The following CSMD1 variants were observed in gnomAD, a reference collection of about 807,000 sequenced individuals.
The protein encoded by CSMD1 is CUB and Sushi multiple domains 1.
CSMD1 carries 213 observed loss-of-function variants against 417.5 expected under a neutral mutation model. The observed-to-expected ratio is 0.51, with a 90% CI of 0.46 to 0.57. CSMD1 has a LOEUF of 0.57. Among genes scored for constraint, CSMD1 ranks in the 20% least tolerant of loss-of-function variants. The pLI, the probability that CSMD1 is intolerant of heterozygous loss-of-function variation, is 0.00. For synonymous variants in CSMD1, 2,862 were observed against 1,736.8 expected (o/e 1.65, Z -16.11); for missense variants, 6,923 against 4,529.7 (o/e 1.53, Z -15.17).
intron 33 of CSMD1, among the ~76,000 whole-genome samples, chr8:3,197,686 G>A (rs566775584): frequency 9.2e-5 from 14 of 151,998 alleles, no homozygotes; most frequent in Middle Eastern, 3.4e-3. Context: ...GGATGGTCTC[G>A]ATCTCCTGAC....
intron 1 of CSMD1, among the ~76,000 whole-genome samples, chr8:4,887,377 T>A (rs1175505834): frequency 6.6e-6 from 1 of 152,092 alleles, no homozygotes; most frequent in Non-Finnish European, 1.5e-5. Flanking sequence ...GCTTATTTTA[T>A]GACGTAAATA....
chr8:3,653,151 A>C (rs539701388), intron 7 of CSMD1, among the ~76,000 whole-genome samples: 18 of 151,890 alleles, frequency 1.2e-4, no homozygotes, highest in African/African-American at 4.3e-4. Flanking sequence ...AAATTTTTTC[A>C]AGTTGCATAT....
intron 1 of CSMD1, among the ~76,000 whole-genome samples, chr8:4,685,010 G>A (rs897926645): frequency 6.6e-6 from 1 of 152,076 alleles, no homozygotes; most frequent in South Asian, 2.1e-4. Flanking sequence ...ATAGAACAAC[G>A]GGACTCAGAA....
intron 3 of CSMD1, among the ~76,000 whole-genome samples, chr8:4,207,971 A>T (rs1360478600): frequency 6.6e-6 from 1 of 152,176 alleles, no homozygotes; most frequent in Admixed American, 6.5e-5. Context: ...AATATTCATT[A>T]TAGCATGAAA....
chr8:3,775,580 G>C (rs979310721), intron 5 of CSMD1, among the ~76,000 whole-genome samples: 1 of 152,136 alleles, frequency 6.6e-6, no homozygotes, highest in African/African-American at 2.4e-5. Flanking sequence ...CTCCAGTGTG[G>C]ACTCATGTGC....
intron 3 of CSMD1, among the ~76,000 whole-genome samples, chr8:4,276,720 T>A (rs2128856232): frequency 6.6e-6 from 1 of 152,302 alleles, no homozygotes; most frequent in African/African-American, 2.4e-5. Flanking sequence ...CCAATTTTAA[T>A]AAATAAAAGG....
chr8:4,534,236 G>A (rs562947354), intron 2 of CSMD1, among the ~76,000 whole-genome samples: 2 of 152,248 alleles, frequency 1.3e-5, no homozygotes, highest in African/African-American at 2.4e-5. Flanking sequence ...TACCTTCTGC[G>A]TGGGCCTGGC....
At chr8:4,314,524 T>A (rs1018616908) in intron 3 of CSMD1, among the ~76,000 whole-genome samples, 6 of 152,114 alleles carry the variant, frequency 3.9e-5, no homozygotes, top group African/African-American at 1.4e-4. Flanking sequence ...TGCCTTGGGA[T>A]TTCTCCCGAA....
intron 5 of CSMD1, among the ~76,000 whole-genome samples, chr8:3,835,720 CAAAA>C (rs34306675): frequency 6.9e-6 from 1 of 144,822 alleles, no homozygotes; most frequent in Admixed American, 7.0e-5. Context: ...ATAAAATTAA[CAAAA>C]AAAAAAAAAA....
chr8:3,456,038 C>T (rs540415859), intron 12 of CSMD1, among the ~76,000 whole-genome samples: 19 of 152,266 alleles, frequency 1.2e-4, no homozygotes, highest in Middle Eastern at 3.4e-3. Context: ...GCCTCGCCGC[C>T]GCCTTGCTAT....
At chr8:4,819,396 A>T (rs1383237045) in intron 1 of CSMD1, among the ~76,000 whole-genome samples, 1 of 152,132 alleles carries the variant, frequency 6.6e-6, no homozygotes, top group Admixed American at 6.5e-5. Context: ...GTTTCATTTT[A>T]TGTCATTCTG....
At chr8:2,946,430 A>G (rs572881440) in intron 68 of CSMD1, among the ~76,000 whole-genome samples, 24 of 152,272 alleles carry the variant, frequency 1.6e-4, no homozygotes, top group East Asian at 7.7e-4. Flanking sequence ...ACCACTAATC[A>G]GTGTCCCATC....
chr8:3,330,816 G>T (rs1806843967), intron 23 of CSMD1, among the ~76,000 whole-genome samples: 1 of 152,092 alleles, frequency 6.6e-6, no homozygotes, highest in Non-Finnish European at 1.5e-5. Context: ...CTCTCCCATG[G>T]ATATAGGAAT....
At chr8:4,351,292 G>T (rs757256347) in intron 3 of CSMD1, among the ~76,000 whole-genome samples, 2 of 152,156 alleles carry the variant, frequency 1.3e-5, no homozygotes, top group African/African-American at 2.4e-5. Context: ...TTCCTAACAA[G>T]AGATTTTTCA....
intron 1 of CSMD1, among the ~76,000 whole-genome samples, chr8:4,670,928 G>A (rs1036345384): frequency 6.6e-6 from 1 of 152,134 alleles, no homozygotes; most frequent in Non-Finnish European, 1.5e-5. Flanking sequence ...TTTATTAATT[G>A]AGCAGTCATA....
At chr8:4,195,776 C>A (rs1197820167) in intron 3 of CSMD1, among the ~76,000 whole-genome samples, 1 of 152,130 alleles carries the variant, frequency 6.6e-6, no homozygotes, top group African/African-American at 2.4e-5. Context: ...GTGGATTCTG[C>A]ACACAACCTG....
At chr8:4,754,618 G>C (rs992094114) in intron 1 of CSMD1, among the ~76,000 whole-genome samples, 5 of 151,900 alleles carry the variant, frequency 3.3e-5, no homozygotes, top group Admixed American at 1.3e-4. Context: ...TTGGGAGGCA[G>C]AGGTGGGTGG....
In CSMD1 at chr8:4,842,564, C is replaced by G. The variant is rs1456000188; in HGVS notation, c.85+151768G>C. 3.5e-4 allele frequency among the ~76,000 whole-genome samples: 53 copies of G among 152,136 alleles called. 1 individual carries two copies. The highest frequency in any genetic ancestry group is 1.5e-5 in the Non-Finnish European group (1 of 68,014). ...AGCACTAAGGGTCACAACGTAGGAG[C>G]CATATTGAGCATAGGGCACATGTAT... On this transcript the variant is annotated intron_variant, in intron 1 of 69. Coordinates refer to ENST00000635120, the MANE Select transcript of CSMD1 (RefSeq NM_033225.6).
intron 1 of CSMD1, among the ~76,000 whole-genome samples, chr8:4,900,902 A>G (rs1009659619): frequency 6.6e-6 from 1 of 152,188 alleles, no homozygotes; most frequent in African/African-American, 2.4e-5. Context: ...CAGGTGCACC[A>G]CTAGTTACTT....
Sources: gnomAD v4.1 joint callset for allele counts (sites outside exome capture counted in the v4.1 genomes callset) on GRCh38, gnomAD v4.1.1 for gene constraint, MANE v1.5 for transcripts, NCBI Gene and HGNC (gene_info 2026-07-23, HGNC 2026-07-21) for gene names.